The following SYNE3 variants were observed in gnomAD, a reference collection of about 807,000 sequenced individuals.
SYNE3 encodes the protein spectrin repeat containing nuclear envelope family member 3, also known as nesprin-3.
A neutral mutation model predicts 111.2 loss-of-function variants in SYNE3; 100 were observed. That is an observed-to-expected ratio of 0.90 (90% CI 0.77 to 1.06). The LOEUF is 1.06. Among genes scored for constraint, SYNE3 ranks in the 50% least tolerant of loss-of-function variants. SYNE3 has a pLI of 0.00. For missense variants in SYNE3, 1,160 were observed against 1,240.3 expected (o/e 0.94, Z 0.97); for synonymous variants, 547 against 533.9 (o/e 1.02, Z -0.34).
rs375798321 is a variant in SYNE3, at chr14:95,437,025, C to T, written c.2377-44G>A. The T allele has an allele frequency of 1.2e-4, 199 of 1,611,970 alleles. 1 individual carries two copies. In the Middle Eastern group the frequency reaches 2.6e-3, roughly 21 times the overall value. On this transcript the variant is annotated intron_variant, in intron 14 of 17. Coordinates refer to ENST00000682763, the MANE Select transcript of SYNE3 (RefSeq NM_152592.6). Reference sequence around the variant, plus strand: ...CCAAAGCGTCAGAGGTGAAAGAGCCCCCCTGGCCATGTGTCCTGGGAATTC... The same window carrying T: ...CCAAAGCGTCAGAGGTGAAAGAGCCTCCCTGGCCATGTGTCCTGGGAATTC...
chr14:95,506,843 G>A lies in SYNE3; in HGVS notation c.-15+9753C>T, dbSNP rs146941599. ...TGATACCCAGGCCCATGGAGGTTAT[G>A]TGACTTGCCACAGGCGACAAAATCA... On this transcript the variant is annotated intron_variant, in intron 1 of 17. Transcript: ENST00000682763. Among the ~76,000 whole-genome samples, 491 of 152,310 alleles carry A rather than the reference G, an allele frequency of 3.2e-3. 5 individuals carry two copies. Among genetic ancestry groups the A allele is most frequent in the African/African-American group, 0.011 (461 of 41,566 alleles).
In SYNE3 at chr14:95,452,361, G is replaced by C. The variant is rs370313899; in HGVS notation, c.1160C>G (p.Ser387Trp). The C allele has an allele frequency of 6.2e-7, 1 of 1,612,126 alleles. No homozygotes were observed. Among genetic ancestry groups the C allele is most frequent in the Non-Finnish European group, 8.5e-7 (1 of 1,179,474 alleles). ...RYSATRAALA[S>W]EEPRVDRLQA... ...CAGCCGGTCCACCCGGGGCTCCTCC[G>C]AGGCCAGCGCCGCCCGTGTTGCCTG... Residue 387 changes from serine (S) to tryptophan (W), a missense_variant, in exon 7 of 18, where the codon TCG becomes TGG. By Grantham distance (177) the Ser-to-Trp change is radical (BLOSUM62 -3). Coordinates refer to ENST00000682763, the MANE Select transcript of SYNE3 (RefSeq NM_152592.6).
chr14:95,475,853 G>A lies in SYNE3; in HGVS notation c.-14-18C>T, dbSNP rs779942860. 1 of 1,484,070 alleles carries A rather than the reference G, an allele frequency of 6.7e-7. No homozygotes were observed. The highest frequency in any genetic ancestry group is 9.0e-7 in the Non-Finnish European group (1 of 1,115,422). The allele number at this position is 1,484,070 out of a possible 1,614,324, so 91.9% of individuals were successfully genotyped here. On this transcript the variant is annotated intron_variant, in intron 1 of 17. Transcript: ENST00000682763. ...TGCAGGGGCTGAAGAAAGGGCCACA[G>A]ATAAGGCCAACAGGCAGGAATGTAG...
Position 95,444,664 on chromosome 14 carries a change from G to C in SYNE3, c.1633-36C>G, listed in dbSNP as rs372934775. 8.5e-6 allele frequency: 13 copies of C among 1,531,544 alleles called. No individual in the cohort carries two copies. In the Admixed American group the frequency reaches 2.6e-4, roughly 31 times the overall value. The allele number at this position is 1,531,544 out of a possible 1,614,324, so 94.9% of individuals were successfully genotyped here. ...ACAGGACAGTGTGCACATTAAGAGC[G>C]TTCCTCATGAGCACCGTGTTGTGAG... is the stretch of plus-strand genomic sequence containing the variant. On this transcript the variant is annotated intron_variant, in intron 9 of 17. Coordinates refer to ENST00000682763, the MANE Select transcript of SYNE3 (RefSeq NM_152592.6).
Position 95,474,467 on chromosome 14 carries a change from G to T in SYNE3, c.144+1211C>A, listed in dbSNP as rs370499371. ...GCATAGGGATGGCAGAAAGCAGGGG[G>T]TATTCCACTCTTGGGTGATCTGTGA... On this transcript the variant is annotated intron_variant, in intron 2 of 17. Transcript: ENST00000682763. Among the ~76,000 whole-genome samples, 45 of 152,318 alleles carry T rather than the reference G, an allele frequency of 3.0e-4. No individual in the cohort carries two copies. In the East Asian group the frequency reaches 6.2e-3, roughly 21 times the overall value.
chr14:95,441,456 G>A (rs1259731865), intron 11 of SYNE3, among the ~76,000 whole-genome samples: 1 of 152,214 alleles, frequency 6.6e-6, no homozygotes. Flanking sequence ...CTCGCTGTGG[G>A]GAAGGACATA....
At chr14:95,511,951 T>G (rs1890737923) in intron 1 of SYNE3, among the ~76,000 whole-genome samples, 1 of 152,124 alleles carries the variant, frequency 6.6e-6, no homozygotes, top group Non-Finnish European at 1.5e-5. Context: ...CGTTTTGTTA[T>G]AAAACCAGTA....
intron 17 of SYNE3, among the ~76,000 whole-genome samples, chr14:95,428,626 A>G (rs773117489): frequency 8.5e-5 from 13 of 152,144 alleles, no homozygotes; most frequent in Non-Finnish European, 1.6e-4. Flanking sequence ...CCCAACTAAA[A>G]GTTTGTCTCA....
Position 95,468,046 on chromosome 14 carries a change from G to A in SYNE3, c.145-79C>T, listed in dbSNP as rs1472013651. 8.8e-6 allele frequency: 13 copies of A among 1,485,624 alleles called. No homozygotes were observed. The Admixed American group carries it at 1.0e-4, about 12-fold the overall frequency. The allele number at this position is 1,485,624 out of a possible 1,614,324, so 92.0% of individuals were successfully genotyped here. On this transcript the variant is annotated intron_variant, in intron 2 of 17. Transcript: ENST00000682763. ...AACCTTGGGAAGATAGTGGCATGGT[G>A]CAAAGAGCCAGGACTCGAAGGCCAG...
At chr14:95,448,869 A>C (rs1446631659) in intron 8 of SYNE3, among the ~76,000 whole-genome samples, 2 of 152,186 alleles carry the variant, frequency 1.3e-5, no homozygotes, top group African/African-American at 2.4e-5. Context: ...AGAAAAGGGG[A>C]TGGAGAAATT....
At chr14:95,496,552 G>A (rs539463577) in intron 1 of SYNE3, among the ~76,000 whole-genome samples, 3 of 152,302 alleles carry the variant, frequency 2.0e-5, no homozygotes, top group East Asian at 1.9e-4. Flanking sequence ...GATGGGCCAC[G>A]AGGGCTCCAT....
Position 95,445,606 on chromosome 14 carries a change from T to C in SYNE3, c.1632+303A>G, listed in dbSNP as rs4905311. Among the ~76,000 whole-genome samples, 27,165 of 152,224 alleles carry C rather than the reference T, an allele frequency of 0.18. 3,079 individuals are homozygous for C. Among genetic ancestry groups the C allele is most frequent in the Admixed American group, 0.36 (5,432 of 15,286 alleles). ...AGGACTTTTATCACCATTTTCTTATTTGACCCTCCTGTCACTCTCTGCAGA... is the reference window on the plus strand; with the variant it reads ...AGGACTTTTATCACCATTTTCTTATCTGACCCTCCTGTCACTCTCTGCAGA... On this transcript the variant is annotated intron_variant, in intron 9 of 17. Transcript: ENST00000682763.
At chr14:95,514,307 C>T (rs1393480464) in intron 1 of SYNE3, among the ~76,000 whole-genome samples, 1 of 152,214 alleles carries the variant, frequency 6.6e-6, no homozygotes, top group East Asian at 1.9e-4. Context: ...TGGGCCACAT[C>T]AATGGGTCAG....
chr14:95,419,269 C>T (rs1031451911), intron 17 of SYNE3, among the ~76,000 whole-genome samples: 2 of 152,184 alleles, frequency 1.3e-5, no homozygotes, highest in African/African-American at 4.8e-5. Context: ...GACTCTGTTA[C>T]TCAACAGCTA....
chr14:95,510,286 G>A (rs556937904), intron 1 of SYNE3, among the ~76,000 whole-genome samples: 50 of 152,304 alleles, frequency 3.3e-4, no homozygotes, highest in African/African-American at 1.2e-3. Flanking sequence ...ACAGAGCAGA[G>A]GGTAGAGAGC....
In SYNE3 at chr14:95,415,283, C is replaced by CA. The variant is rs397786914; in HGVS notation, c.*2542dup. ...AAGTGGACACCTGGCAAGGCCCCCC[C>CA]ACCCACCCACCCTGCCACTGCTCTG... is the stretch of plus-strand genomic sequence containing the variant. On this transcript the variant is annotated 3_prime_UTR_variant, in exon 18 of 18. Transcript: ENST00000682763. 1.8e-4 allele frequency: 24 copies of CA among 135,348 alleles called. No individual in the cohort carries two copies. The highest frequency in any genetic ancestry group is 4.4e-4 in the Admixed American group (6 of 13,572). The allele number at this position is 135,348 out of a possible 1,614,324, so 8.4% of individuals were successfully genotyped here. A position where few individuals can be genotyped will look rare whatever the true frequency, so the allele number is the denominator to read the frequency against.
At chr14:95,438,473 C>T (rs1410662478) in intron 14 of SYNE3, 1 of 154,780 alleles carries the variant, frequency 6.5e-6, no homozygotes, top group East Asian at 1.9e-4. Flanking sequence ...AGAAGCGTTA[C>T]TCACGGCTGT....
intron 1 of SYNE3, among the ~76,000 whole-genome samples, chr14:95,490,083 A>G (rs536607354): frequency 5.6e-4 from 85 of 152,312 alleles, no homozygotes; most frequent in African/African-American, 1.9e-3. Context: ...GTGAGCTTTA[A>G]GTTGGAAGGT....
rs1323246342 is a variant in SYNE3 at position 95,417,767 on chromosome 14, G to T, written c.*59C>A. On this transcript the variant is annotated 3_prime_UTR_variant, in exon 18 of 18. Transcript: ENST00000682763. ...CCAGTTTCCCTGGCGAGCATCCTCAGGAGGGGCCCTGGGACTGATGGAGGT... is the reference window on the plus strand; with the variant it reads ...CCAGTTTCCCTGGCGAGCATCCTCATGAGGGGCCCTGGGACTGATGGAGGT... 6.3e-7 allele frequency: 1 copy of T among 1,580,870 alleles called. No homozygotes were observed. The highest frequency in any genetic ancestry group is 2.2e-5 in the East Asian group (1 of 44,710).
Sources: gnomAD v4.1 joint callset for allele counts (sites outside exome capture counted in the v4.1 genomes callset) on GRCh38, gnomAD v4.1.1 for gene constraint, MANE v1.5 for transcripts, NCBI Gene and HGNC (gene_info 2026-07-23, HGNC 2026-07-21) for gene names.